CDC73: variants seen among roughly 807,000 people sequenced by gnomAD.
The protein encoded by CDC73 is cell division cycle 73.
A neutral mutation model predicts 83.7 loss-of-function variants in CDC73; 21 were observed. The ratio of observed to expected loss-of-function variants is 0.25; its 90% CI spans 0.18 to 0.36. CDC73 has a LOEUF of 0.36. Ranked by LOEUF, CDC73 falls within the 10% of genes least tolerant of loss-of-function variation. CDC73 has a pLI of 1.00. For missense variants in CDC73, 342 were observed against 653.3 expected, an observed-to-expected ratio of 0.52 and a Z score of 5.19; for synonymous variants, 224 against 212.9, an observed-to-expected ratio of 1.05 and a Z score of -0.45.
chr1:193,253,384 T>G lies in CDC73; in HGVS notation c.*2672T>G, dbSNP rs1678075166. On this transcript the variant is annotated 3_prime_UTR_variant, in exon 17 of 17. Transcript: ENST00000367435. Reference sequence around the variant, plus strand: ...AATGTGTTTCCTCTTCCTTCTTTTCTGTATGTATGTGTGGTTTTTGATTTT... The same window carrying G: ...AATGTGTTTCCTCTTCCTTCTTTTCGGTATGTATGTGTGGTTTTTGATTTT... 1 of 232,486 alleles carries G rather than the reference T, an allele frequency of 4.3e-6. No homozygotes were observed. The highest frequency in any genetic ancestry group is 2.2e-5 in the African/African-American group (1 of 45,332). The allele number at this position is 232,486 out of a possible 1,614,324, so 14.4% of individuals were successfully genotyped here.
intron 10 of CDC73, among the ~76,000 whole-genome samples, chr1:193,202,158 T>C (rs1375742418): frequency 6.6e-6 from 1 of 152,200 alleles, no homozygotes; most frequent in Non-Finnish European, 1.5e-5. Flanking sequence ...TAGGGGCTAA[T>C]GTTCCTTTTA....
At chr1:193,138,236 G>T (rs1325901996) in intron 6 of CDC73, 63 bp downstream of exon 6, 3 of 1,108,446 alleles carry the variant, frequency 2.7e-6, no homozygotes, top group Non-Finnish European at 4.2e-6. Context: ...TAAGGAAAAG[G>T]AATATTAAAA....
chr1:193,248,012 T>G (rs776669457), intron 15 of CDC73, among the ~76,000 whole-genome samples: 2 of 152,144 alleles, frequency 1.3e-5, no homozygotes, highest in Non-Finnish European at 2.9e-5. Context: ...CACATTTTCA[T>G]CGTAGATGAA....
intron 13 of CDC73, among the ~76,000 whole-genome samples, chr1:193,215,911 A>G (rs1465051014): frequency 1.3e-5 from 2 of 152,172 alleles, no homozygotes; most frequent in African/African-American, 4.8e-5. Flanking sequence ...TTTGAAACAA[A>G]TGAAAACAAA....
chr1:193,250,958 A>G lies in CDC73; in HGVS notation c.*246A>G. 2 of 503,210 alleles carry G rather than the reference A, an allele frequency of 4.0e-6. No homozygotes were observed. Among genetic ancestry groups the G allele is most frequent in the Non-Finnish European group, 7.1e-6 (2 of 281,796 alleles). The allele number at this position is 503,210 out of a possible 1,614,324, so 31.2% of individuals were successfully genotyped here. On this transcript the variant is annotated 3_prime_UTR_variant, in exon 17 of 17. Transcript: ENST00000367435. ...GATAGAAGTTTTTTCTCCATTGGTT[A>G]AATTAGCATTACTTAAAATTTGTTT...
In CDC73 at chr1:193,207,545, T is replaced by TC. The variant is rs540762859; in HGVS notation, c.1030+3697dup. Among the ~76,000 whole-genome samples the TC allele has an allele frequency of 4.5e-3, 678 of 152,112 alleles. 2 individuals carry two copies. Among genetic ancestry groups the TC allele is most frequent in the Non-Finnish European group, 7.6e-3 (518 of 67,974 alleles). On this transcript the variant is annotated intron_variant, in intron 11 of 16. Transcript: ENST00000367435. ...GACCTCCCCCCAGAAATGCATTCCT[T>TC]CCCCGGGGTATTCCTTGCTGGGAAA...
chr1:193,202,791 A>T (rs570289378), intron 10 of CDC73, among the ~76,000 whole-genome samples: 14 of 152,036 alleles, frequency 9.2e-5, no homozygotes, highest in African/African-American at 2.9e-4. Flanking sequence ...TTATTTTTTT[A>T]AAAATGCCAT....
In CDC73 at chr1:193,249,706, A is replaced by G. The variant is rs746390758; in HGVS notation, c.1418-24A>G. ...TTTTTTTATTTTGAGTAAAAATGAT[A>G]ACTTCTCTCCACCCTCTCTATAGTT... On this transcript the variant is annotated intron_variant, in intron 15 of 16. Transcript: ENST00000367435. 3.2e-6 allele frequency: 5 copies of G among 1,585,842 alleles called. No individual in the cohort carries two copies. In the African/African-American group the frequency reaches 5.4e-5, roughly 17 times the overall value.
Position 193,192,855 on chromosome 1 carries a change from T to C in CDC73, c.973-10940T>C, listed in dbSNP as rs773587629. 4.6e-5 allele frequency among the ~76,000 whole-genome samples: 7 copies of C among 152,208 alleles called. No homozygotes were observed. The East Asian group carries it at 1.2e-3, about 25-fold the overall frequency. On this transcript the variant is annotated intron_variant, in intron 10 of 16. Transcript: ENST00000367435. ...CCCTCCGCTGGAGAGAGCAGTCCTA[T>C]GAATGATCAAAAGCCAGTCTTAGGA...
chr1:193,253,496 G>T lies in CDC73; in HGVS notation c.*2784G>T, dbSNP rs1678076849. On this transcript the variant is annotated 3_prime_UTR_variant, in exon 17 of 17. Transcript: ENST00000367435. ...TTGGCCTATATTCCCATTGACAAAT[G>T]CAATTTTTAATTATTTATTTAATAT... 4.3e-6 allele frequency: 1 copy of T among 231,926 alleles called. No homozygotes were observed. The highest frequency in any genetic ancestry group is 2.2e-5 in the African/African-American group (1 of 45,206). 14.4% of individuals were successfully genotyped at this position (231,926 alleles called of 1,614,324 possible).
intron 10 of CDC73, among the ~76,000 whole-genome samples, chr1:193,184,906 A>G (rs1248103174): frequency 6.6e-6 from 1 of 151,988 alleles, no homozygotes; most frequent in African/African-American, 2.4e-5. Context: ...TTAGATAATT[A>G]CTGAGTTGTG....
intron 15 of CDC73, among the ~76,000 whole-genome samples, chr1:193,243,477 A>G (rs1311386328): frequency 1.3e-5 from 2 of 152,192 alleles, no homozygotes; most frequent in Admixed American, 6.5e-5. Flanking sequence ...ATAAATATCA[A>G]TAAAGATGAA....
At chr1:193,146,892 T>C (rs887348376) in intron 7 of CDC73, among the ~76,000 whole-genome samples, 3 of 152,226 alleles carry the variant, frequency 2.0e-5, no homozygotes, top group Non-Finnish European at 4.4e-5. Context: ...AACTCATATG[T>C]AGCAATCTGA....
chr1:193,238,666 C>T (rs993634770), intron 15 of CDC73, among the ~76,000 whole-genome samples: 1 of 152,054 alleles, frequency 6.6e-6, no homozygotes, highest in African/African-American at 2.4e-5. Flanking sequence ...TGACTGGATG[C>T]CTTAACTGAT....
chr1:193,170,537 A>T (rs1462082043), intron 10 of CDC73, among the ~76,000 whole-genome samples: 1 of 152,010 alleles, frequency 6.6e-6, no homozygotes, highest in Non-Finnish European at 1.5e-5. Context: ...ATGATTAGTG[A>T]TGTTGAGCTT....
chr1:193,154,003 G>A (rs1179552275), intron 10 of CDC73, among the ~76,000 whole-genome samples: 1 of 152,172 alleles, frequency 6.6e-6, no homozygotes, highest in Admixed American at 6.5e-5. Context: ...AGTCATCAGG[G>A]ATTAGATACT....
chr1:193,202,303 G>C (rs1677105367), intron 10 of CDC73, among the ~76,000 whole-genome samples: 1 of 151,990 alleles, frequency 6.6e-6, no homozygotes, highest in African/African-American at 2.4e-5. Context: ...AATAAAAACA[G>C]TTATGTCCCC....
intron 10 of CDC73, among the ~76,000 whole-genome samples, chr1:193,162,351 T>C (rs1453275193): frequency 9.4e-5 from 13 of 138,530 alleles, no homozygotes; most frequent in Middle Eastern, 3.6e-3. Flanking sequence ...TATATATACA[T>C]ATATATTATA....
chr1:193,166,175 C>G (rs780927288), intron 10 of CDC73, among the ~76,000 whole-genome samples: 1 of 150,974 alleles, frequency 6.6e-6, no homozygotes. Flanking sequence ...TTTTTTCTTT[C>G]TTTCTTTTTG....
Sources: allele counts gnomAD v4.1 joint callset (sites outside exome capture counted in the v4.1 genomes callset), GRCh38; gene constraint gnomAD v4.1.1; transcripts MANE v1.5; gene names NCBI Gene and HGNC (gene_info 2026-07-23, HGNC 2026-07-21).